Variants in PLCZ1 observed in about 807,000 individuals in gnomAD.
PLCZ1 encodes the protein phospholipase C zeta 1.
In PLCZ1, 64 loss-of-function variants were observed where a neutral mutation model predicts 76.8. The ratio of observed to expected loss-of-function variants is 0.83; its 90% confidence interval spans 0.68 to 1.03. The LOEUF (loss-of-function observed/expected upper bound fraction) is 1.03, where lower values mean the gene tolerates loss of function less well. Ranked by LOEUF, PLCZ1 falls within the 50% of genes least tolerant of loss-of-function variation. PLCZ1 has a pLI of 0.00. For synonymous variants in PLCZ1, 248 were observed against 230.8 expected, an observed-to-expected ratio of 1.07 and a Z score of -0.68; for missense variants, 751 against 713.7, an observed-to-expected ratio of 1.05 and a Z score of -0.60.
intron 13 of PLCZ1, among the ~76,000 whole-genome samples, chr12:18,685,092 A>G (rs936703276): frequency 5.9e-5 from 9 of 152,094 alleles, no homozygotes; most frequent in African/African-American, 2.2e-4. Context: ...GAGCAATATG[A>G]AAATGGACTA....
rs1954704027 is a variant in PLCZ1 at position 18,694,760 on chromosome 12, A to T, written c.1461+150T>A. 4 of 611,068 alleles carry T rather than the reference A, an allele frequency of 6.5e-6. No homozygotes were observed. In the East Asian group the frequency reaches 1.2e-4, roughly 18 times the overall value. 37.9% of individuals were successfully genotyped at this position (611,068 alleles called of 1,614,324 possible). A position where few individuals can be genotyped will look rare whatever the true frequency, so the allele number is the denominator to read the frequency against. On this transcript the variant is annotated intron_variant, in intron 12 of 14. Coordinates refer to ENST00000266505, the MANE Select transcript of PLCZ1 (RefSeq NM_033123.4). ...GAAGACATTTTTCAGATATAGAAGG[A>T]TGCTGGAATACTACCCACATATAGT...
chr12:18,670,360 T>A, the PLCZ1 span, among the ~76,000 whole-genome samples: 2 of 152,200 alleles, frequency 1.3e-5, no homozygotes, highest in South Asian at 4.2e-4. Flanking sequence ...TTTAGACATT[T>A]CAATTGTCTG....
chr12:18,659,515 C>T, the PLCZ1 span, among the ~76,000 whole-genome samples: 4 of 152,122 alleles, frequency 2.6e-5, no homozygotes, highest in Non-Finnish European at 2.9e-5. Context: ...AATTACATAA[C>T]TATCATTTAA....
At chr12:18,646,548 A>G in the PLCZ1 span, among the ~76,000 whole-genome samples, 1 of 152,188 alleles carries the variant, frequency 6.6e-6, no homozygotes, top group East Asian at 1.9e-4. Flanking sequence ...TATGCTGTAC[A>G]AAGTACTGGA....
chr12:18,692,703 C>T, intron 12 of PLCZ1: 1 of 755,988 alleles, frequency 1.3e-6, no homozygotes, highest in South Asian at 1.6e-5. Context: ...AAATCAAATA[C>T]AGACTTTGAA....
At chr12:18,658,661 A>G in the PLCZ1 span, among the ~76,000 whole-genome samples, 1 of 152,208 alleles carries the variant, frequency 6.6e-6, no homozygotes, top group African/African-American at 2.4e-5. Context: ...TACCAGTTTT[A>G]CATATATACA....
At chr12:18,694,203 T>C in intron 12 of PLCZ1, 1 of 631,340 alleles carries the variant, frequency 1.6e-6, no homozygotes, top group Non-Finnish European at 2.8e-6. Flanking sequence ...CCATTGATTT[T>C]TATTAGCAAA....
chr12:18,728,749 A>G (rs1958888922), intron 3 of PLCZ1, among the ~76,000 whole-genome samples: 1 of 152,180 alleles, frequency 6.6e-6, no homozygotes, highest in Non-Finnish European at 1.5e-5. Context: ...AACAGATTGC[A>G]ATGGATCATT....
chr12:18,713,027 A>T (rs1320181529), intron 5 of PLCZ1, 41 bp from the exon 6 acceptor site: 1 of 1,609,038 alleles, frequency 6.2e-7, no homozygotes, highest in Non-Finnish European at 8.5e-7. Flanking sequence ...CTCCTGGACC[A>T]TTAAAAATAT....
chr12:18,671,043 G>GGT, the PLCZ1 span, among the ~76,000 whole-genome samples: 1 of 151,952 alleles, frequency 6.6e-6, no homozygotes, highest in African/African-American at 2.4e-5. Flanking sequence ...CCAGCTTGGT[G>GGT]GTGTGCGCCT....
chr12:18,693,747 A>G, intron 12 of PLCZ1: 1 of 1,525,354 alleles, frequency 6.6e-7, no homozygotes, highest in Non-Finnish European at 9.1e-7. Context: ...TCTAGGGTAG[A>G]TGTGAAAGCT....
intron 4 of PLCZ1, 99 bp downstream of exon 4, chr12:18,723,212 C>T: frequency 4.6e-6 from 5 of 1,080,334 alleles, no homozygotes; most frequent in Non-Finnish European, 6.7e-6. Flanking sequence ...ATTTGATAAC[C>T]ACAATTCATA....
At chr12:18,677,527 C>T in the PLCZ1 span, among the ~76,000 whole-genome samples, 2 of 152,012 alleles carry the variant, frequency 1.3e-5, no homozygotes, top group Non-Finnish European at 2.9e-5. Context: ...TGTGAATTTT[C>T]GTCTCTTAAA....
At chr12:18,689,502 G>A (rs1475732723) in intron 12 of PLCZ1, among the ~76,000 whole-genome samples, 1 of 152,128 alleles carries the variant, frequency 6.6e-6, no homozygotes, top group Non-Finnish European at 1.5e-5. Context: ...TGTGGCCCAA[G>A]ATAATTCCTC....
At chr12:18,717,075 T>C (rs1958068256) in intron 5 of PLCZ1, among the ~76,000 whole-genome samples, 1 of 152,130 alleles carries the variant, frequency 6.6e-6, no homozygotes, top group Non-Finnish European at 1.5e-5. Context: ...TGAAAGACTT[T>C]CATACTAAGC....
At position 18,737,364 on chromosome 12, in the gene PLCZ1, A is replaced by T. The variant is rs745622886; in HGVS notation, c.8T>A (p.Met3Lys). 17 of 1,612,492 alleles carry T rather than the reference A, an allele frequency of 1.1e-5. No individual in the cohort carries two copies. The highest frequency in any genetic ancestry group is 1.7e-5 in the Admixed American group (1 of 59,964). ...GAAAGAAGCTCTCAATGGATATCTC[A>T]TTTCCATAGTTTCATGACCTGTAGA... is the stretch of plus-strand genomic sequence containing the variant. Reference protein sequence around the residue: MEMRWFLSKIQDD... With the variant: MEKRWFLSKIQDD... Residue 3 changes from methionine to lysine, a missense_variant, in exon 2 of 15, where the codon ATG (methionine) becomes AAG (lysine). Coordinates refer to ENST00000266505, the MANE Select transcript of PLCZ1 (RefSeq NM_033123.4).
chr12:18,687,431 A>G (rs113839047), intron 13 of PLCZ1, among the ~76,000 whole-genome samples: 1,536 of 152,242 alleles, frequency 0.01, 27 homozygotes, highest in African/African-American at 0.035. Context: ...GGTGATCCTG[A>G]CCAGGGATCA....
chr12:18,719,431 C>T lies in PLCZ1; in HGVS notation c.569G>A (p.Ser190Asn). 1 of 1,454,060 alleles carries T rather than the reference C, an allele frequency of 6.9e-7. No individual in the cohort carries two copies. The highest frequency in any genetic ancestry group is 9.2e-7 in the Non-Finnish European group (1 of 1,086,658). 90.1% of individuals were successfully genotyped at this position (1,454,060 alleles called of 1,614,324 possible). Residue 190 changes from serine (S) to asparagine (N), a missense_variant and splice_region_variant, in exon 5 of 15, where the codon AGT becomes AAT. Coordinates refer to ENST00000266505, the MANE Select transcript of PLCZ1 (RefSeq NM_033123.4). The stretch of plus-strand genomic sequence containing the variant: ...ATAGATTTAAAAATAAAATAAATAC[C>T]TTACATATCCCCAAAGGTCACTTGG... Reference protein sequence around the residue: ...LGPSDLWGYVSALVKGCRCLE... With the variant: ...LGPSDLWGYVNALVKGCRCLE...
At chr12:18,649,548 C>A in the PLCZ1 span, among the ~76,000 whole-genome samples, 6 of 152,112 alleles carry the variant, frequency 3.9e-5, no homozygotes, top group Non-Finnish European at 8.8e-5. Context: ...ATTGCTGACC[C>A]ACTACCCTGC....
Sources: gnomAD v4.1 joint callset for allele counts (sites outside exome capture counted in the v4.1 genomes callset) on GRCh38, gnomAD v4.1.1 for gene constraint, MANE v1.5 for transcripts, NCBI Gene and HGNC (gene_info 2026-07-23, HGNC 2026-07-21) for gene names.